FAT3: variants seen among roughly 807,000 people sequenced by gnomAD.
FAT3 encodes FAT atypical cadherin 3, also known as protocadherin Fat 3.
A neutral mutation model predicts 310.2 loss-of-function variants in FAT3; 95 were observed. The observed-to-expected ratio is 0.31, with a 90% CI of 0.26 to 0.36. The LOEUF (loss-of-function observed/expected upper bound fraction) is 0.36. Ranked by LOEUF, FAT3 falls within the 10% of genes least tolerant of loss-of-function variation. The pLI, the probability that FAT3 is intolerant of heterozygous loss-of-function variation, is 1.00. For missense variants in FAT3, 5,408 were observed against 5,715.6 expected (o/e 0.95, Z 1.74); for synonymous variants, 2,314 against 2,192.9 (o/e 1.06, Z -1.54).
chr11:92,359,362 C>T (rs1385071904), intron 2 of FAT3, among the ~76,000 whole-genome samples: 1 of 152,052 alleles, frequency 6.6e-6, no homozygotes, highest in African/African-American at 2.4e-5. Context: ...TTCTGAATGC[C>T]TTCCGAATGG....
intron 19 of FAT3, among the ~76,000 whole-genome samples, chr11:92,845,420 G>A (rs1948661195): frequency 6.6e-6 from 1 of 152,188 alleles, no homozygotes; most frequent in African/African-American, 2.4e-5. Context: ...AAGGGTAAGG[G>A]CAGTTCGATT....
At chr11:92,347,459 G>T in intron 1 of FAT3, among the ~76,000 whole-genome samples, 1 of 152,186 alleles carries the variant, frequency 6.6e-6, no homozygotes, top group East Asian at 1.9e-4. Flanking sequence ...AATACCTTTG[G>T]TAGTGTTCAG....
Position 92,327,237 on chromosome 11 carries a change from T to A in FAT3, c.-17-24859T>A, listed in dbSNP as rs546240920. Among the ~76,000 whole-genome samples the A allele has an allele frequency of 2.0e-5, 3 of 152,090 alleles. No individual in the cohort carries two copies. The South Asian group carries it at 6.2e-4, about 32-fold the overall frequency. On this transcript the variant is annotated intron_variant, in intron 1 of 27. Coordinates refer to ENST00000525166, the MANE Select transcript of FAT3 (RefSeq NM_001367949.2). The stretch of plus-strand genomic sequence containing the variant: ...GACTGAATAGAAGATTCCCTTTTAT[T>A]TTTTTTTCTACTTGCAAAGCCAAGA...
chr11:92,630,710 C>G (rs1052806335), intron 3 of FAT3, among the ~76,000 whole-genome samples: 1 of 152,174 alleles, frequency 6.6e-6, no homozygotes, highest in African/African-American at 2.4e-5. Flanking sequence ...GATGTGTTTT[C>G]TCCTCTGTGT....
chr11:92,636,166 T>A (rs1941762146), intron 3 of FAT3, among the ~76,000 whole-genome samples: 1 of 152,154 alleles, frequency 6.6e-6, no homozygotes, highest in Non-Finnish European at 1.5e-5. Flanking sequence ...TTTTACCATG[T>A]TGGCCAGGCT....
intron 2 of FAT3, among the ~76,000 whole-genome samples, chr11:92,386,593 T>C (rs1197674636): frequency 6.6e-6 from 1 of 152,242 alleles, no homozygotes; most frequent in Non-Finnish European, 1.5e-5. Context: ...ACATCATTAA[T>C]ATTCATTAGA....
chr11:92,845,962 A>G (rs959960919), intron 19 of FAT3, among the ~76,000 whole-genome samples: 5 of 152,212 alleles, frequency 3.3e-5, no homozygotes, highest in African/African-American at 1.2e-4. Flanking sequence ...TTGTGATTGC[A>G]TCAGGTAGAA....
At chr11:92,863,624 T>C (rs1040427746) in intron 21 of FAT3, among the ~76,000 whole-genome samples, 14 of 152,232 alleles carry the variant, frequency 9.2e-5, no homozygotes, top group Admixed American at 8.5e-4. Context: ...ATCGTTGCTA[T>C]AGACATTTCT....
chr11:92,878,634 T>TAAA lies in FAT3; in HGVS notation c.12128-2066_12128-2064dup, dbSNP rs145900689. 8.5e-3 allele frequency among the ~76,000 whole-genome samples: 178 copies of TAAA among 21,012 alleles called. 15 individuals carry two copies. Among genetic ancestry groups the TAAA allele is most frequent in the Non-Finnish European group, 0.011 (102 of 9,570 alleles). The allele number at this position is 21,012 out of a possible 152,430, so 13.8% of individuals were successfully genotyped here. A position where few individuals can be genotyped will look rare whatever the true frequency, so the allele number is the denominator to read the frequency against. On this transcript the variant is annotated intron_variant, in intron 22 of 27. Coordinates refer to ENST00000525166, the MANE Select transcript of FAT3 (RefSeq NM_001367949.2). ...AACACAGGAGCAGGATGTTATGTGT[T>TAAA]AAAAAAAAAAAAAAAAAAAAAAAAA...
intron 21 of FAT3, among the ~76,000 whole-genome samples, chr11:92,859,852 G>A (rs1007133246): frequency 2.6e-5 from 4 of 152,168 alleles, no homozygotes; most frequent in Non-Finnish European, 4.4e-5. Flanking sequence ...TTTAGAGCAA[G>A]TCTGACATCT....
intron 3 of FAT3, among the ~76,000 whole-genome samples, chr11:92,655,432 C>A (rs1418404870): frequency 6.6e-6 from 1 of 152,168 alleles, no homozygotes; most frequent in Non-Finnish European, 1.5e-5. Context: ...ATGGACAAAT[C>A]ACTTAATTCC....
At chr11:92,810,523 A>G (rs1947639965) in intron 13 of FAT3, among the ~76,000 whole-genome samples, 1 of 152,200 alleles carries the variant, frequency 6.6e-6, no homozygotes, top group Admixed American at 6.5e-5. Context: ...GACAATCTCG[A>G]TTTAATATAG....
At position 92,268,669 on chromosome 11, in the gene FAT3, G is replaced by A. The variant is rs1648620884; in HGVS notation, c.-18+43495G>A. Among the ~76,000 whole-genome samples, 5 of 152,012 alleles carry A rather than the reference G, an allele frequency of 3.3e-5. No homozygotes were observed. The South Asian group carries it at 8.3e-4, about 25-fold the overall frequency. On this transcript the variant is annotated intron_variant, in intron 1 of 27. Transcript: ENST00000525166. ...ATATTTACTTCTTTTCCATTCAGATGATAATTATGCAACTGTGGTTACCCT... is the reference window on the plus strand; with the variant it reads ...ATATTTACTTCTTTTCCATTCAGATAATAATTATGCAACTGTGGTTACCCT...
intron 1 of FAT3, among the ~76,000 whole-genome samples, chr11:92,236,545 T>C (rs1015920465): frequency 3.9e-5 from 6 of 152,242 alleles, no homozygotes; most frequent in African/African-American, 1.4e-4. Flanking sequence ...AGGCTGTGTC[T>C]GTCTTTTAGA....
At chr11:92,751,756 G>T (rs905073162) in intron 4 of FAT3, among the ~76,000 whole-genome samples, 1 of 152,134 alleles carries the variant, frequency 6.6e-6, no homozygotes, top group African/African-American at 2.4e-5. Context: ...AGGGAATTTT[G>T]AACAGATGGT....
chr11:92,679,953 A>G (rs1943426031), intron 3 of FAT3, among the ~76,000 whole-genome samples: 1 of 148,736 alleles, frequency 6.7e-6, no homozygotes, highest in Non-Finnish European at 1.5e-5. Flanking sequence ...TCAAGTTTTA[A>G]TGGGATTTTT....
At chr11:92,456,849 G>C (rs1317182217) in intron 2 of FAT3, among the ~76,000 whole-genome samples, 1 of 151,902 alleles carries the variant, frequency 6.6e-6, no homozygotes, top group East Asian at 1.9e-4. Flanking sequence ...TTCCATTTTT[G>C]GGCATGTGTG....
intron 1 of FAT3, among the ~76,000 whole-genome samples, chr11:92,265,699 A>G (rs2134319596): frequency 6.6e-6 from 1 of 152,204 alleles, no homozygotes; most frequent in East Asian, 1.9e-4. Context: ...TTATCTAGTG[A>G]GAGTCCATTT....
chr11:92,609,550 C>T (rs1179488098), intron 3 of FAT3, among the ~76,000 whole-genome samples: 1 of 152,104 alleles, frequency 6.6e-6, no homozygotes, highest in East Asian at 1.9e-4. Flanking sequence ...CATTGTAGCT[C>T]AGGTATTGTC....
Sources: gnomAD v4.1 joint callset for allele counts (sites outside exome capture counted in the v4.1 genomes callset) on GRCh38, gnomAD v4.1.1 for gene constraint, MANE v1.5 for transcripts, NCBI Gene and HGNC (gene_info 2026-07-23, HGNC 2026-07-21) for gene names.